The following GARNL3 variants were observed in gnomAD, a reference collection of about 807,000 sequenced individuals.
GARNL3 encodes GTPase activating Rap/RanGAP domain like 3.
In GARNL3, 63 loss-of-function variants were observed where a neutral mutation model predicts 125.0. The observed-to-expected ratio is 0.50, with a 90% CI of 0.41 to 0.62. GARNL3 has a LOEUF of 0.62. GARNL3 is among the 20% of genes least tolerant of loss of function. The pLI, the probability that GARNL3 is intolerant of heterozygous loss-of-function variation, is 0.00. For missense variants in GARNL3, 994 were observed against 1,244.0 expected (o/e 0.80, Z 3.02); for synonymous variants, 439 against 457.5 (o/e 0.96, Z 0.52).
Position 127,311,746 on chromosome 9 carries a change from T to C in GARNL3, c.319+11T>C, listed in dbSNP as rs906948991. 2.6e-6 allele frequency: 4 copies of C among 1,546,794 alleles called. No individual in the cohort carries two copies. The highest frequency in any genetic ancestry group is 1.7e-5 in the Admixed American group (1 of 59,892). ...ATTTTTTAGGACAAGGTAATTATGC[T>C]ATTGTGGTGGTAGGGAAGAAAGGGT... On this transcript the variant is annotated intron_variant, in intron 3 of 27. Coordinates refer to ENST00000373387, the MANE Select transcript of GARNL3 (RefSeq NM_032293.5).
rs565237025 is a variant in GARNL3, at chr9:127,256,953, T to C, written c.144-7999T>C. Among the ~76,000 whole-genome samples the C allele has an allele frequency of 3.3e-5, 5 of 152,204 alleles. No homozygotes were observed. In the South Asian group the frequency reaches 1.0e-3, roughly 31 times the overall value. ...TTCCATCCCCAAAGGCTCTCTCATG[T>C]TGCCCTTTTATAACCACACCTCCCT... On this transcript the variant is annotated intron_variant, in intron 2 of 10. Transcript: ENST00000439286.
At chr9:127,389,167 G>A in intron 26 of GARNL3, 48 bp downstream of exon 26, 1 of 1,350,862 alleles carries the variant, frequency 7.4e-7, no homozygotes, top group Non-Finnish European at 1.1e-6. Flanking sequence ...CAGACCAGCT[G>A]GTTTTATCTT....
intron 22 of GARNL3, 87 bp from the exon 23 acceptor site, chr9:127,383,351 T>C: frequency 1.3e-6 from 1 of 778,760 alleles, no homozygotes; most frequent in Non-Finnish European, 2.2e-6. Context: ...TAGGGTACTA[T>C]TCTTGTTGCC....
At chr9:127,375,197 TCA>T (rs1421105536) in intron 22 of GARNL3, among the ~76,000 whole-genome samples, 1 of 152,014 alleles carries the variant, frequency 6.6e-6, no homozygotes, top group African/African-American at 2.4e-5. Flanking sequence ...GTGCGGTGGC[TCA>T]CACCTGTAAT....
In GARNL3 at chr9:127,294,839, C is replaced by A. The variant is rs188192768; in HGVS notation, c.219+3597C>A. 1.1e-4 allele frequency among the ~76,000 whole-genome samples: 17 copies of A among 152,306 alleles called. No homozygotes were observed. In the East Asian group the frequency reaches 3.3e-3, roughly 29 times the overall value. On this transcript the variant is annotated intron_variant, in intron 2 of 27. Transcript: ENST00000373387. The stretch of plus-strand genomic sequence containing the variant: ...AATAAGCCTGCTGAAGTCCCTGCTC[C>A]TAGGGGCCTGCAGATGGCAGGGAGA...
In GARNL3 at chr9:127,227,616, CA is replaced by C. The variant is rs574389180; in HGVS notation, c.-29+3288del. ...ACTCCGTCTCAAAAAAAACAAAAAA[CA>C]AAAAAAAAACCTAATTTGTGGCTGG... On this transcript the variant is annotated intron_variant, in intron 1 of 10. Coordinates refer to the GARNL3 transcript ENST00000439286. 8.4e-5 allele frequency among the ~76,000 whole-genome samples: 12 copies of C among 142,808 alleles called. 1 individual carries two copies. The highest frequency in any genetic ancestry group is 1.4e-4 in the Admixed American group (2 of 14,504). The allele number at this position is 142,808 out of a possible 152,430, so 93.7% of individuals were successfully genotyped here. A position where few individuals can be genotyped will look rare whatever the true frequency, so the allele number is the denominator to read the frequency against.
rs776670360 is a variant in GARNL3, at chr9:127,336,194, TC to T, written c.941del (p.Ser314PhefsTer8). On this transcript the variant is annotated frameshift_variant, in exon 11 of 28. Transcript: ENST00000373387. LOFTEE classifies it high-confidence loss of function. ...TIVFQEGEESSPAFKPSMIRS... is the reference protein window; with the variant it reads ...TIVFQEGEESXPAFKPSMIRS... Reference sequence around the variant, plus strand: ...TGTGTTCCAAGAAGGAGAGGAATCTTCTCCTGCCTTTAAGCCTTCCATGATC... The same window carrying T: ...TGTGTTCCAAGAAGGAGAGGAATCTTTCCTGCCTTTAAGCCTTCCATGATC... 8.7e-6 allele frequency: 14 copies of T among 1,614,046 alleles called. No homozygotes were observed. The highest frequency in any genetic ancestry group is 1.2e-5 in the Non-Finnish European group (14 of 1,179,940).
At chr9:127,258,591 A>G (rs2063531611) in intron 2 of GARNL3, among the ~76,000 whole-genome samples, 1 of 152,276 alleles carries the variant, frequency 6.6e-6, no homozygotes, top group South Asian at 2.1e-4. Flanking sequence ...GTGAGCTGTG[A>G]TGCTGCCACT....
At chr9:127,383,700 T>C (rs1449654288) in intron 23 of GARNL3, among the ~76,000 whole-genome samples, 155 bp downstream of exon 23, 3 of 152,236 alleles carry the variant, frequency 2.0e-5, no homozygotes, top group African/African-American at 7.2e-5. Flanking sequence ...TTCTTTTTCT[T>C]TTATTTTTGT....
intron 1 of GARNL3, among the ~76,000 whole-genome samples, chr9:127,279,159 C>T (rs1468648429): frequency 6.6e-6 from 1 of 151,952 alleles, no homozygotes; most frequent in Non-Finnish European, 1.5e-5. Flanking sequence ...CAGTTTCTTT[C>T]TTGGTGACCT....
chr9:127,374,132 C>T (rs185564190), intron 22 of GARNL3, among the ~76,000 whole-genome samples: 392 of 152,008 alleles, frequency 2.6e-3, no homozygotes, highest in Admixed American at 4.3e-3. Flanking sequence ...TAAAACCTCG[C>T]CTCTACTAAA....
intron 27 of GARNL3, among the ~76,000 whole-genome samples, chr9:127,391,682 C>G (rs1288695421): frequency 7.6e-6 from 1 of 131,718 alleles, no homozygotes; most frequent in African/African-American, 2.9e-5. Context: ...GCCTGGGTAA[C>G]AGAGCAAGAC....
chr9:127,337,459 G>A (rs1025483044), intron 11 of GARNL3, among the ~76,000 whole-genome samples: 1 of 152,192 alleles, frequency 6.6e-6, no homozygotes, highest in African/African-American at 2.4e-5. Context: ...GAGACACTAA[G>A]GAATTGATGG....
upstream of GARNL3, among the ~76,000 whole-genome samples, chr9:127,261,256 CA>C (rs573607555): frequency 1.8e-4 from 27 of 151,032 alleles, no homozygotes; most frequent in Middle Eastern, 3.4e-3. Flanking sequence ...AACTCTGTCT[CA>C]AAAAAAAGAA....
At chr9:127,249,967 C>T (rs2063371514) in intron 2 of GARNL3, among the ~76,000 whole-genome samples, 1 of 152,164 alleles carries the variant, frequency 6.6e-6, no homozygotes, top group African/African-American at 2.4e-5. Context: ...CGAGATTGCA[C>T]CACTGGGCTC....
intron 11 of GARNL3, among the ~76,000 whole-genome samples, chr9:127,336,545 AG>A (rs1307530859): frequency 1.5e-4 from 23 of 152,344 alleles, no homozygotes; most frequent in African/African-American, 5.5e-4. Flanking sequence ...GAAGAATTAT[AG>A]GTGCTGAATT....
chr9:127,338,170 T>C lies in GARNL3; in HGVS notation c.1028+9T>C, dbSNP rs1829656436. ...CAAAATGACAATTACAGGTAGGTAA[T>C]GACTTTGTCTCGATTGCTTGTCCTA... is the stretch of plus-strand genomic sequence containing the variant. On this transcript the variant is annotated intron_variant, in intron 12 of 27. Transcript: ENST00000373387. 1 of 1,599,392 alleles carries C rather than the reference T, an allele frequency of 6.3e-7. No homozygotes were observed. The highest frequency in any genetic ancestry group is 8.6e-7 in the Non-Finnish European group (1 of 1,166,592).
intron 22 of GARNL3, among the ~76,000 whole-genome samples, chr9:127,376,350 C>T (rs1179714199): frequency 6.6e-6 from 1 of 152,046 alleles, no homozygotes; most frequent in African/African-American, 2.4e-5. Flanking sequence ...TCCCGAGTAG[C>T]TGGGACTACA....
At chr9:127,236,966 TGACA>T (rs2063123715) in intron 1 of GARNL3, among the ~76,000 whole-genome samples, 1 of 152,158 alleles carries the variant, frequency 6.6e-6, no homozygotes, top group Non-Finnish European at 1.5e-5. Flanking sequence ...CAATCCAATC[TGACA>T]GACACTAAAA....
Sources: gnomAD v4.1 joint callset for allele counts (sites outside exome capture counted in the v4.1 genomes callset) on GRCh38, gnomAD v4.1.1 for gene constraint, MANE v1.5 for transcripts, NCBI Gene and HGNC (gene_info 2026-07-23, HGNC 2026-07-21) for gene names.